The following TRIO variants were observed in gnomAD, a reference collection of about 807,000 sequenced individuals.
TRIO encodes trio Rho guanine nucleotide exchange factor.
Under a neutral mutation model 351.9 loss-of-function variants are expected in TRIO, and 58 were observed. That is an observed-to-expected ratio of 0.16 (90% CI 0.13 to 0.21). The LOEUF is 0.21. TRIO is among the 10% of genes least tolerant of loss of function. The pLI, the probability that TRIO is intolerant of heterozygous loss-of-function variation, is 1.00. For missense variants in TRIO, 3,201 were observed against 4,027.8 expected, an observed-to-expected ratio of 0.79 and a Z score of 5.56; for synonymous variants, 1,758 against 1,595.7, an observed-to-expected ratio of 1.10 and a Z score of -2.42.
In TRIO at chr5:14,304,443, T is replaced by G. The variant is rs1738185605; in HGVS notation, c.1369-18T>G. On this transcript the variant is annotated intron_variant, in intron 7 of 56. Transcript: ENST00000344204. ...TAAATTGTCATTGATAGAAATAATC[T>G]TTTTTTAACCTTCCAAGTATATGAG... The G allele has an allele frequency of 6.3e-7, 1 of 1,589,180 alleles. No individual in the cohort carries two copies. Among genetic ancestry groups the G allele is most frequent in the Non-Finnish European group, 8.5e-7 (1 of 1,173,030 alleles).
chr5:14,344,190 C>G (rs1019525697), intron 11 of TRIO, among the ~76,000 whole-genome samples: 1 of 152,190 alleles, frequency 6.6e-6, no homozygotes, highest in African/African-American at 2.4e-5. Flanking sequence ...CTAGAACTGT[C>G]GACTGCATCA....
At chr5:14,476,865 A>G in intron 40 of TRIO, 29 bp from the exon 41 acceptor site, 3 of 1,577,606 alleles carry the variant, frequency 1.9e-6, no homozygotes, top group South Asian at 1.1e-5. Context: ...CACTGGAAAT[A>G]GTTCTAATAT....
chr5:14,398,589 GATCTCAAC>G (rs1345349065), intron 29 of TRIO, among the ~76,000 whole-genome samples: 2 of 152,186 alleles, frequency 1.3e-5, no homozygotes, highest in African/African-American at 4.8e-5. Context: ...GGTGGAACCA[GATCTCAAC>G]TGTTGCAGAG....
At chr5:14,483,441 A>T (rs912228011) in intron 46 of TRIO, among the ~76,000 whole-genome samples, 1 of 152,070 alleles carries the variant, frequency 6.6e-6, no homozygotes, top group Admixed American at 6.5e-5. Context: ...CAGAAGGGAG[A>T]TGTACTTCCC....
chr5:14,507,583 G>T (rs989361966), intron 56 of TRIO, among the ~76,000 whole-genome samples: 12 of 152,070 alleles, frequency 7.9e-5, no homozygotes, highest in Non-Finnish European at 1.5e-4. Context: ...TCCCCTTGGT[G>T]CTGGGAGGGA....
At chr5:14,253,058 A>G (rs1484618512) in intron 1 of TRIO, among the ~76,000 whole-genome samples, 3 of 152,224 alleles carry the variant, frequency 2.0e-5, no homozygotes, top group Admixed American at 6.5e-5. Context: ...TTAGCCACTG[A>G]TGCAAGTGAC....
At chr5:14,241,950 A>G (rs1244809622) in intron 1 of TRIO, among the ~76,000 whole-genome samples, 2 of 152,186 alleles carry the variant, frequency 1.3e-5, no homozygotes, top group African/African-American at 2.4e-5. Flanking sequence ...TATTATTCCA[A>G]CGACACTGTA....
chr5:14,295,063 G>A (rs1314514742), intron 6 of TRIO, among the ~76,000 whole-genome samples: 1 of 152,160 alleles, frequency 6.6e-6, no homozygotes, highest in Admixed American at 6.6e-5. Context: ...TCTGGACCAG[G>A]CCTGCTCCTT....
chr5:14,224,557 G>C (rs1415452647), intron 1 of TRIO, among the ~76,000 whole-genome samples: 2 of 152,136 alleles, frequency 1.3e-5, no homozygotes, highest in African/African-American at 2.4e-5. Context: ...GCTTGGGAAG[G>C]CTGGATGGTT....
At chr5:14,202,707 C>T (rs978625084) in intron 1 of TRIO, among the ~76,000 whole-genome samples, 5 of 148,280 alleles carry the variant, frequency 3.4e-5, no homozygotes, top group Non-Finnish European at 5.9e-5. Flanking sequence ...CTCATTATCT[C>T]GTCTGCCGCC....
At chr5:14,477,253 G>A in intron 41 of TRIO, 1 of 275,070 alleles carries the variant, frequency 3.6e-6, no homozygotes, top group Admixed American at 5.0e-5. Context: ...GAACAGGCAG[G>A]TATTGTTGAG....
At chr5:14,159,321 C>CAAA (rs34735917) in intron 1 of TRIO, among the ~76,000 whole-genome samples, 1 of 140,446 alleles carries the variant, frequency 7.1e-6, no homozygotes, top group African/African-American at 2.5e-5. Flanking sequence ...AAATCGCAGT[C>CAAA]AAAAAAAAAA....
chr5:14,434,985 G>C (rs1751465520), intron 34 of TRIO, among the ~76,000 whole-genome samples: 1 of 152,230 alleles, frequency 6.6e-6, no homozygotes, highest in Non-Finnish European at 1.5e-5. Context: ...GGCAAGAACA[G>C]CACTGATGCT....
intron 2 of TRIO, among the ~76,000 whole-genome samples, chr5:14,275,776 T>C (rs1735441169): frequency 6.6e-6 from 1 of 150,846 alleles, no homozygotes; most frequent in South Asian, 2.1e-4. Context: ...CTCATTGCTT[T>C]TTACAGTTGT....
rs114228329 is a variant in TRIO at position 14,490,291 on chromosome 5, C to T, written c.7632+2031C>T. ...GAGACTCCGTCTCAAAAAGCCCCCA[C>T]GTATTTGCACTTCTGTCCCCCTGGA... On this transcript the variant is annotated intron_variant, in intron 48 of 56. Transcript: ENST00000344204. Among the ~76,000 whole-genome samples, 1,163 of 152,312 alleles carry T rather than the reference C, an allele frequency of 7.6e-3. 20 individuals are homozygous for T. The highest frequency in any genetic ancestry group is 0.027 in the African/African-American group (1,111 of 41,584).
intron 21 of TRIO, among the ~76,000 whole-genome samples, chr5:14,384,994 A>T (rs996895927): frequency 6.6e-6 from 1 of 152,244 alleles, no homozygotes. Context: ...GGCCTTCACC[A>T]TGAGATCATC....
chr5:14,475,433 T>C (rs1024777018), intron 40 of TRIO, among the ~76,000 whole-genome samples: 3 of 152,232 alleles, frequency 2.0e-5, no homozygotes, highest in African/African-American at 7.2e-5. Context: ...GGGAATATGC[T>C]CTTTTAAACT....
At chr5:14,435,020 G>A (rs114345916) in intron 34 of TRIO, among the ~76,000 whole-genome samples, 7,150 of 152,278 alleles carry the variant, frequency 0.047, 188 homozygotes, top group Admixed American at 0.058. Flanking sequence ...CGTGCATCAC[G>A]TCAGGGGTAC....
chr5:14,314,904 A>G (rs1182751616), intron 8 of TRIO, among the ~76,000 whole-genome samples: 2 of 152,188 alleles, frequency 1.3e-5, no homozygotes, highest in African/African-American at 4.8e-5. Context: ...TTCCTTTATT[A>G]TCTTTGGTTA....
Sources: allele counts gnomAD v4.1 joint callset (sites outside exome capture counted in the v4.1 genomes callset), GRCh38; gene constraint gnomAD v4.1.1; transcripts MANE v1.5; gene names NCBI Gene and HGNC (gene_info 2026-07-23, HGNC 2026-07-21).